SNTG1: variants seen among roughly 807,000 people sequenced by gnomAD.
The protein encoded by SNTG1 is syntrophin gamma 1.
In SNTG1, 39 loss-of-function variants were observed where a neutral mutation model predicts 74.7. The observed-to-expected ratio is 0.52, with a 90% CI of 0.40 to 0.68. The LOEUF (loss-of-function observed/expected upper bound fraction) is 0.68. Ranked by LOEUF, SNTG1 falls within the 30% of genes least tolerant of loss-of-function variation. The pLI, the probability that SNTG1 is intolerant of heterozygous loss-of-function variation, is 0.00. For missense variants in SNTG1, 685 were observed against 609.5 expected, an observed-to-expected ratio of 1.12 and a Z score of -1.30; for synonymous variants, 254 against 217.1, an observed-to-expected ratio of 1.17 and a Z score of -1.49.
intron 2 of SNTG1, among the ~76,000 whole-genome samples, chr8:50,210,859 G>GT (rs2084487296): frequency 6.6e-6 from 1 of 152,010 alleles, no homozygotes; most frequent in Non-Finnish European, 1.5e-5. Flanking sequence ...GAAATGACAG[G>GT]TTAAAAAATG....
chr8:50,716,734 T>C (rs1224017172), intron 17 of SNTG1, among the ~76,000 whole-genome samples: 1 of 706 alleles, frequency 1.4e-3, no homozygotes. Flanking sequence ...TTTCTTATTC[T>C]TTTTTTTTTT....
chr8:50,692,382 T>G (rs962218456), intron 15 of SNTG1, among the ~76,000 whole-genome samples: 3 of 152,196 alleles, frequency 2.0e-5, no homozygotes, highest in African/African-American at 7.2e-5. Context: ...TTTGTGGTTT[T>G]ATCTACCTTT....
chr8:50,508,431 T>A (rs1481917715), intron 9 of SNTG1, among the ~76,000 whole-genome samples: 1 of 152,222 alleles, frequency 6.6e-6, no homozygotes, highest in Admixed American at 6.5e-5. Flanking sequence ...TTTGGGTATA[T>A]ACCCAGTAAT....
chr8:50,304,799 C>A (rs7817761), intron 2 of SNTG1, among the ~76,000 whole-genome samples: 1 of 152,070 alleles, frequency 6.6e-6, no homozygotes, highest in African/African-American at 2.4e-5. Flanking sequence ...TTTGTGTGAC[C>A]ACTATTTCTT....
chr8:50,643,523 C>T (rs1364633513), intron 13 of SNTG1, among the ~76,000 whole-genome samples: 1 of 152,174 alleles, frequency 6.6e-6, no homozygotes, highest in Non-Finnish European at 1.5e-5. Flanking sequence ...TTTGTAAACT[C>T]GCAACCAACT....
chr8:49,918,702 T>A (rs1406336941), intron 1 of SNTG1, among the ~76,000 whole-genome samples: 1 of 152,160 alleles, frequency 6.6e-6, no homozygotes, highest in Non-Finnish European at 1.5e-5. Flanking sequence ...TGGTTTGATA[T>A]ATGGCAATTT....
At chr8:50,391,364 G>T (rs1196731072) in intron 2 of SNTG1, among the ~76,000 whole-genome samples, 1 of 152,124 alleles carries the variant, frequency 6.6e-6, no homozygotes. Flanking sequence ...TTTATATGCT[G>T]GATTACGTTT....
intron 2 of SNTG1, among the ~76,000 whole-genome samples, chr8:50,349,804 C>T (rs548423855): frequency 1.3e-5 from 2 of 152,324 alleles, no homozygotes; most frequent in Non-Finnish European, 2.9e-5. Flanking sequence ...TCTGCCTGGG[C>T]TCCCACTTTG....
chr8:50,711,120 A>G (rs1240233397), intron 17 of SNTG1, among the ~76,000 whole-genome samples: 3 of 152,224 alleles, frequency 2.0e-5, no homozygotes, highest in East Asian at 3.8e-4. Flanking sequence ...GCTGACTGCA[A>G]GAAACTTGCA....
chr8:50,379,190 T>C (rs2131213040), intron 2 of SNTG1, among the ~76,000 whole-genome samples: 1 of 152,300 alleles, frequency 6.6e-6, no homozygotes, highest in Admixed American at 6.5e-5. Context: ...CAGCATTGCC[T>C]TGAGCATGTG....
chr8:50,770,858 A>T (rs183576539), intron 18 of SNTG1, among the ~76,000 whole-genome samples: 84 of 152,188 alleles, frequency 5.5e-4, no homozygotes, highest in Non-Finnish European at 5.9e-5. Flanking sequence ...CTCTCTCACC[A>T]TGTGGTCTCT....
At chr8:50,411,918 T>TCC (rs2092954275) in intron 4 of SNTG1, among the ~76,000 whole-genome samples, 1 of 152,116 alleles carries the variant, frequency 6.6e-6, no homozygotes, top group Admixed American at 6.6e-5. Context: ...GGTTCCATAG[T>TCC]CTGGGCAGCA....
intron 1 of SNTG1, among the ~76,000 whole-genome samples, chr8:49,995,181 T>G (rs1814089479): frequency 6.6e-6 from 1 of 152,010 alleles, no homozygotes. Flanking sequence ...TGAACTCTGG[T>G]GAAGAGTTCA....
At chr8:50,259,713 C>T (rs768111807) in intron 2 of SNTG1, among the ~76,000 whole-genome samples, 2 of 151,950 alleles carry the variant, frequency 1.3e-5, no homozygotes, top group Non-Finnish European at 2.9e-5. Flanking sequence ...ATTTCATTCA[C>T]ACTATAAGAA....
At position 50,431,065 on chromosome 8, in the gene SNTG1, G is replaced by A. The variant is rs145151732; in HGVS notation, c.163-7478G>A. 8.0e-3 allele frequency among the ~76,000 whole-genome samples: 1,225 copies of A among 152,216 alleles called. 15 individuals are homozygous for A. The highest frequency in any genetic ancestry group is 0.017 in the Middle Eastern group (5 of 292). Reference sequence around the variant, plus strand: ...GGTCACATCATCCCCCTGCCCCATCGCTGAGGTTGTAACATACATTCGTAA... The same window carrying A: ...GGTCACATCATCCCCCTGCCCCATCACTGAGGTTGTAACATACATTCGTAA... On this transcript the variant is annotated intron_variant, in intron 4 of 18. Transcript: ENST00000642720.
At chr8:49,963,281 ACT>A (rs138977025) in intron 1 of SNTG1, among the ~76,000 whole-genome samples, 3,281 of 152,216 alleles carry the variant, frequency 0.022, 123 homozygotes, top group African/African-American at 0.073. Flanking sequence ...TGCTGCAAAC[ACT>A]CTGCCAGGAT....
intron 9 of SNTG1, among the ~76,000 whole-genome samples, chr8:50,507,025 T>A (rs933831846): frequency 2.6e-5 from 4 of 152,094 alleles, no homozygotes; most frequent in Non-Finnish European, 5.9e-5. Flanking sequence ...ATGTTTTAAA[T>A]TGTGAAAATA....
intron 15 of SNTG1, among the ~76,000 whole-genome samples, chr8:50,697,921 C>T (rs911210234): frequency 2.6e-5 from 4 of 152,178 alleles, no homozygotes; most frequent in African/African-American, 4.8e-5. Context: ...TTCTGGCTGA[C>T]TTTGGTGTCA....
At chr8:50,072,304 T>C (rs1478124659) in intron 1 of SNTG1, among the ~76,000 whole-genome samples, 1 of 152,228 alleles carries the variant, frequency 6.6e-6, no homozygotes, top group Non-Finnish European at 1.5e-5. Flanking sequence ...AACATAGTGC[T>C]GAGACATATA....
Sources: gnomAD v4.1 joint callset for allele counts (sites outside exome capture counted in the v4.1 genomes callset) on GRCh38, gnomAD v4.1.1 for gene constraint, MANE v1.5 for transcripts, NCBI Gene and HGNC (gene_info 2026-07-23, HGNC 2026-07-21) for gene names.